DLG2: variants seen among roughly 807,000 people sequenced by gnomAD.
DLG2 encodes discs large MAGUK scaffold protein 2.
In DLG2, 45 loss-of-function variants were observed where a neutral mutation model predicts 132.5. That is an observed-to-expected ratio of 0.34 (90% CI 0.27 to 0.44). DLG2 has a LOEUF of 0.44. Among genes scored for constraint, DLG2 ranks in the 20% least tolerant of loss-of-function variants. The pLI, the probability that DLG2 is intolerant of heterozygous loss-of-function variation, is 1.00. For synonymous variants in DLG2, 424 were observed against 419.6 expected, an observed-to-expected ratio of 1.01 and a Z score of -0.13; for missense variants, 1,045 against 1,196.9, an observed-to-expected ratio of 0.87 and a Z score of 1.87.
chr11:84,800,014 A>G (rs7119059), intron 6 of DLG2, among the ~76,000 whole-genome samples: 2,360 of 152,292 alleles, frequency 0.015, 67 homozygotes, highest in African/African-American at 0.054. Context: ...TGGGGCATCA[A>G]TAAAAGAGCC....
intron 7 of DLG2, among the ~76,000 whole-genome samples, chr11:84,467,626 A>G (rs2099097955): frequency 6.6e-6 from 1 of 151,422 alleles, no homozygotes; most frequent in Admixed American, 6.6e-5. Flanking sequence ...AACAAATAAG[A>G]ACCAAATGAA....
intron 8 of DLG2, among the ~76,000 whole-genome samples, chr11:84,171,013 A>G (rs984324692): frequency 6.6e-6 from 1 of 152,168 alleles, no homozygotes; most frequent in Non-Finnish European, 1.5e-5. Context: ...CTCAACAGGG[A>G]GGAAACTAAA....
chr11:83,834,984 A>C (rs980939300), intron 16 of DLG2, among the ~76,000 whole-genome samples: 2 of 152,220 alleles, frequency 1.3e-5, no homozygotes, highest in African/African-American at 2.4e-5. Flanking sequence ...TAATGGCTAC[A>C]CAAAGAATTT....
At chr11:85,530,869 A>C (rs549241844) in intron 3 of DLG2, among the ~76,000 whole-genome samples, 93 of 152,314 alleles carry the variant, frequency 6.1e-4, no homozygotes, top group Non-Finnish European at 1.2e-3. Flanking sequence ...TGTATATTAC[A>C]TAGCTATCAC....
intron 7 of DLG2, among the ~76,000 whole-genome samples, chr11:84,425,770 T>C (rs1171311588): frequency 6.6e-6 from 1 of 152,088 alleles, no homozygotes; most frequent in Non-Finnish European, 1.5e-5. Context: ...AAGTGGTTAG[T>C]GAAGATATTT....
At chr11:84,230,761 G>A (rs965332472) in intron 8 of DLG2, among the ~76,000 whole-genome samples, 2 of 152,166 alleles carry the variant, frequency 1.3e-5, no homozygotes, top group Admixed American at 1.3e-4. Flanking sequence ...ACAAAAGTGT[G>A]AAACAGTGAG....
intron 3 of DLG2, among the ~76,000 whole-genome samples, chr11:85,526,622 T>A (rs2074771250): frequency 1.3e-5 from 2 of 152,206 alleles, no homozygotes; most frequent in South Asian, 2.1e-4. Flanking sequence ...TACATGAGAA[T>A]AATAGTTAAT....
At chr11:85,438,524 C>A (rs769697334) in intron 3 of DLG2, among the ~76,000 whole-genome samples, 2 of 152,122 alleles carry the variant, frequency 1.3e-5, no homozygotes, top group Non-Finnish European at 1.5e-5. Context: ...TTTGCACCAA[C>A]CTATAATATA....
chr11:85,193,591 T>C (rs982089203), intron 4 of DLG2, among the ~76,000 whole-genome samples: 1 of 152,196 alleles, frequency 6.6e-6, no homozygotes, highest in Non-Finnish European at 1.5e-5. Context: ...TGACTTGGTG[T>C]CTCATTCTAT....
chr11:84,139,751 C>T (rs2094761683), intron 9 of DLG2, among the ~76,000 whole-genome samples: 1 of 152,028 alleles, frequency 6.6e-6, no homozygotes. Flanking sequence ...ACTCGAAACA[C>T]TTTGCTGTAT....
intron 4 of DLG2, among the ~76,000 whole-genome samples, chr11:85,247,048 T>G (rs2076169736): frequency 6.6e-6 from 1 of 151,340 alleles, no homozygotes; most frequent in Non-Finnish European, 1.5e-5. Context: ...CATTATATGT[T>G]GATAAAATTT....
At chr11:84,021,922 T>A (rs2154078170) in intron 11 of DLG2, among the ~76,000 whole-genome samples, 1 of 152,194 alleles carries the variant, frequency 6.6e-6, no homozygotes, top group Non-Finnish European at 1.5e-5. Flanking sequence ...TAATTCTGTA[T>A]TTTTAGTAGA....
chr11:85,418,463 T>A (rs965301792), intron 3 of DLG2, among the ~76,000 whole-genome samples: 1 of 152,176 alleles, frequency 6.6e-6, no homozygotes, highest in Non-Finnish European at 1.5e-5. Context: ...TAGGTCTGCT[T>A]GGTCCAGAGC....
intron 6 of DLG2, among the ~76,000 whole-genome samples, chr11:84,564,807 A>G (rs751816930): frequency 6.6e-6 from 1 of 152,150 alleles, no homozygotes; most frequent in Non-Finnish European, 1.5e-5. Context: ...AGCTACCTGA[A>G]CTACAGTTAC....
intron 16 of DLG2, 99 bp downstream of exon 16, chr11:83,874,321 G>C (rs917143236): frequency 3.0e-6 from 2 of 674,816 alleles, no homozygotes; most frequent in Admixed American, 6.3e-5. Flanking sequence ...GGAAGGGAGG[G>C]AGGGAGGGAA....
intron 6 of DLG2, among the ~76,000 whole-genome samples, chr11:84,820,604 A>AT (rs1344884757): frequency 6.6e-6 from 1 of 151,864 alleles, no homozygotes; most frequent in Non-Finnish European, 1.5e-5. Context: ...CTTCCTTGAC[A>AT]TTCCCTGGAC....
chr11:85,230,308 T>C (rs2075226960), intron 4 of DLG2, among the ~76,000 whole-genome samples: 1 of 151,896 alleles, frequency 6.6e-6, no homozygotes, highest in South Asian at 2.1e-4. Flanking sequence ...TTTTTGGTGA[T>C]TTTTATTTTT....
Position 85,078,616 on chromosome 11 carries a change from C to T in DLG2, c.357+33045G>A, listed in dbSNP as rs115723205. Among the ~76,000 whole-genome samples, 657 of 152,054 alleles carry T rather than the reference C, an allele frequency of 4.3e-3. 9 individuals carry two copies. The highest frequency in any genetic ancestry group is 0.015 in the African/African-American group (640 of 41,506). On this transcript the variant is annotated intron_variant, in intron 6 of 27. Transcript: ENST00000376104. ...TGAAATAACCTTTCCTGTATTTTTACAGCAGATTATTAGGGTCAAGAGCTA... is the reference window on the plus strand; with the variant it reads ...TGAAATAACCTTTCCTGTATTTTTATAGCAGATTATTAGGGTCAAGAGCTA...
At chr11:85,256,716 G>GA (rs756756886) in intron 4 of DLG2, among the ~76,000 whole-genome samples, 9 of 152,284 alleles carry the variant, frequency 5.9e-5, no homozygotes, top group Admixed American at 2.0e-4. Flanking sequence ...CCCTGTCGAT[G>GA]TCGTGTGAGG....
Sources: allele counts gnomAD v4.1 joint callset (sites outside exome capture counted in the v4.1 genomes callset), GRCh38; gene constraint gnomAD v4.1.1; transcripts MANE v1.5; gene names NCBI Gene and HGNC (gene_info 2026-07-23, HGNC 2026-07-21).